Variants in SRR observed in about 807,000 individuals in gnomAD.
The protein encoded by SRR is serine racemase.
Under a neutral mutation model 32.7 loss-of-function variants are expected in SRR, and 19 were observed. The observed-to-expected ratio is 0.58, with a 90% CI of 0.40 to 0.85. The LOEUF is 0.85. Among genes scored for constraint, SRR ranks in the 40% least tolerant of loss-of-function variants. The pLI, the probability that SRR is intolerant of heterozygous loss-of-function variation, is 0.00. For synonymous variants in SRR, 142 were observed against 140.9 expected (o/e 1.01, Z -0.06); for missense variants, 373 against 404.7 (o/e 0.92, Z 0.67).
intron 4 of SRR, among the ~76,000 whole-genome samples, chr17:2,321,042 A>G (rs1018835523): frequency 2.0e-5 from 3 of 152,198 alleles, no homozygotes; most frequent in African/African-American, 7.2e-5. Context: ...ACTTTACTAG[A>G]GGCTCTTCTT....
At chr17:2,321,943 AATTTTTTTGT>A (rs1567779618) in intron 6 of SRR, among the ~76,000 whole-genome samples, 1 of 151,846 alleles carries the variant, frequency 6.6e-6, no homozygotes, top group African/African-American at 2.4e-5. Context: ...ACACCCCGCT[AATTTTTTTGT>A]ATTTTTTTTA....
chr17:2,324,643 T>C lies in SRR; in HGVS notation c.*770T>C. The C allele has an allele frequency of 6.2e-7, 1 of 1,614,020 alleles. No individual in the cohort carries two copies. The highest frequency in any genetic ancestry group is 8.5e-7 in the Non-Finnish European group (1 of 1,180,012). ...ACCCACAAAATGTAAACCCAACCTT[T>C]ATACCACAAAGGCAATCAGATCCCA... On this transcript the variant is annotated 3_prime_UTR_variant, in exon 8 of 8. Coordinates refer to ENST00000344595, the MANE Select transcript of SRR (RefSeq NM_021947.3).
At chr17:2,303,568 C>T, upstream of SRR, 6 of 1,364,360 alleles carry the variant, frequency 4.4e-6, no homozygotes, top group South Asian at 1.0e-4. Flanking sequence ...GGGGAGGAGG[C>T]AGAGGAGGAG....
intron 1 of SRR, among the ~76,000 whole-genome samples, chr17:2,310,825 C>A (rs1244053364): frequency 6.6e-6 from 1 of 152,166 alleles, no homozygotes; most frequent in Non-Finnish European, 1.5e-5. Flanking sequence ...TGGCTCACTG[C>A]AAACTCCGCC....
At chr17:2,313,260 T>C (rs1343013518) in intron 1 of SRR, among the ~76,000 whole-genome samples, 2 of 143,236 alleles carry the variant, frequency 1.4e-5, no homozygotes, top group East Asian at 2.1e-4. Flanking sequence ...TGAAACCCTG[T>C]CTCCACTAAA....
At position 2,324,209 on chromosome 17, in the gene SRR, C is replaced by G; in HGVS notation, c.*336C>G. On this transcript the variant is annotated 3_prime_UTR_variant, in exon 8 of 8. Transcript: ENST00000344595. ...TCTTTGAATCCATTACTCCATGCCC[C>G]CTTGAGGCACTGTTGAAGAAATCTC... is the stretch of plus-strand genomic sequence containing the variant. The G allele has an allele frequency of 2.0e-6, 3 of 1,522,500 alleles. No individual in the cohort carries two copies. In the South Asian group the frequency reaches 4.1e-5, roughly 21 times the overall value. The allele number at this position is 1,522,500 out of a possible 1,614,324, so 94.3% of individuals were successfully genotyped here.
upstream of SRR, chr17:2,303,465 A>G (rs1244608141): frequency 4.6e-6 from 6 of 1,318,076 alleles, no homozygotes; most frequent in Non-Finnish European, 5.8e-6. Context: ...CCCCGCACTA[A>G]CCCGCGAGAG....
At position 2,325,210 on chromosome 17, in the gene SRR, T is replaced by C; in HGVS notation, c.*1337T>C. 1 of 897,048 alleles carries C rather than the reference T, an allele frequency of 1.1e-6. No individual in the cohort carries two copies. The highest frequency in any genetic ancestry group is 1.7e-6 in the Non-Finnish European group (1 of 582,096). 55.6% of individuals were successfully genotyped at this position (897,048 alleles called of 1,614,324 possible). A position where few individuals can be genotyped will look rare whatever the true frequency, so the allele number is the denominator to read the frequency against. The stretch of plus-strand genomic sequence containing the variant: ...TTGAAAACCATCATTACCTTCTCCA[T>C]ACCATTTGGCTCCCAAATTTAAATA... On this transcript the variant is annotated 3_prime_UTR_variant, in exon 8 of 8. Transcript: ENST00000344595.
intron 4 of SRR, 73 bp downstream of exon 4, chr17:2,319,002 G>GAGAAGGAGCAGC: frequency 9.6e-7 from 1 of 1,044,982 alleles, no homozygotes; most frequent in Non-Finnish European, 1.5e-6. Flanking sequence ...CTTACTGGCT[G>GAGAAGGAGCAGC]CTCCTTCTCA....
intron 1 of SRR, among the ~76,000 whole-genome samples, chr17:2,304,219 C>T (rs2151425816): frequency 6.6e-6 from 1 of 151,008 alleles, no homozygotes; most frequent in Admixed American, 6.6e-5. Context: ...TACTTGGGAC[C>T]TTGAAGATCT....
At chr17:2,319,816 C>T (rs577308622) in intron 4 of SRR, among the ~76,000 whole-genome samples, 1 of 138,288 alleles carries the variant, frequency 7.2e-6, no homozygotes, top group East Asian at 2.3e-4. Context: ...CAGAACTTGT[C>T]TCTTCTTTTT....
At position 2,323,210 on chromosome 17, in the gene SRR, G is replaced by C; in HGVS notation, c.669G>C (p.Lys223Asn). The C allele has an allele frequency of 6.2e-7, 1 of 1,614,214 alleles. No individual in the cohort carries two copies. The highest frequency in any genetic ancestry group is 8.5e-7 in the Non-Finnish European group (1 of 1,180,036). The change falls in exon 7 of 8, where the codon AAG becomes AAC. Residue 223 changes from lysine (K) to asparagine (N), a missense_variant. Physicochemically the swap from Lys to Asn is moderately conservative, Grantham distance 94. Transcript: ENST00000344595. ...NADDCYQSKL[K>N]GKLMPNLYPP... ...ATGACTGCTACCAGTCCAAGCTGAA[G>C]GGGAAACTGATGCCCAATCTTTATC...
Position 2,324,633 on chromosome 17 carries a change from A to T in SRR, c.*760A>T. 6.2e-7 allele frequency: 1 copy of T among 1,614,044 alleles called. No homozygotes were observed. Among genetic ancestry groups the T allele is most frequent in the Non-Finnish European group, 8.5e-7 (1 of 1,180,022 alleles). ...TGAAACATTTACCCACAAAATGTAA[A>T]CCCAACCTTTATACCACAAAGGCAA... On this transcript the variant is annotated 3_prime_UTR_variant, in exon 8 of 8. Coordinates refer to ENST00000344595, the MANE Select transcript of SRR (RefSeq NM_021947.3).
chr17:2,319,245 C>T (rs111820139), intron 4 of SRR, among the ~76,000 whole-genome samples: 2 of 152,196 alleles, frequency 1.3e-5, no homozygotes, highest in Non-Finnish European at 2.9e-5. Context: ...CCTGATCTTA[C>T]TTCCCTATAT....
intron 1 of SRR, among the ~76,000 whole-genome samples, chr17:2,313,866 T>C (rs921748966): frequency 2.6e-5 from 4 of 152,238 alleles, no homozygotes; most frequent in African/African-American, 9.6e-5. Context: ...TAGTTGGGCC[T>C]GGAAAGGTAA....
intron 6 of SRR, chr17:2,322,885 C>T: frequency 2.3e-6 from 1 of 440,900 alleles, no homozygotes; most frequent in Non-Finnish European, 4.2e-6. Flanking sequence ...CTACCTCAGC[C>T]TCTTGAGTAG....
chr17:2,324,911 T>C lies in SRR; in HGVS notation c.*1038T>C, dbSNP rs553889043. 14 of 1,479,580 alleles carry C rather than the reference T, an allele frequency of 9.5e-6. No individual in the cohort carries two copies. The South Asian group carries it at 1.4e-4, about 15-fold the overall frequency. 91.7% of individuals were successfully genotyped at this position (1,479,580 alleles called of 1,614,324 possible). A position where few individuals can be genotyped will look rare whatever the true frequency, so the allele number is the denominator to read the frequency against. ...ATTGCCCAGTCCATTTAAAGACCCA[T>C]GCAAGAGCCTGGTTTGTCATCCCTG... is the stretch of plus-strand genomic sequence containing the variant. On this transcript the variant is annotated 3_prime_UTR_variant, in exon 8 of 8. Coordinates refer to ENST00000344595, the MANE Select transcript of SRR (RefSeq NM_021947.3).
intron 4 of SRR, 45 bp from the exon 5 acceptor site, chr17:2,321,261 C>T (rs547399010): frequency 6.2e-7 from 1 of 1,600,740 alleles, no homozygotes; most frequent in Admixed American, 1.8e-5. Flanking sequence ...TTGTTGGGGA[C>T]TCTATTAAAT....
In SRR at chr17:2,324,713, C is replaced by A. The variant is rs762957618; in HGVS notation, c.*840C>A. 1 of 1,614,166 alleles carries A rather than the reference C, an allele frequency of 6.2e-7. No homozygotes were observed. Among genetic ancestry groups the A allele is most frequent in the Non-Finnish European group, 8.5e-7 (1 of 1,180,024 alleles). On this transcript the variant is annotated 3_prime_UTR_variant, in exon 8 of 8. Coordinates refer to ENST00000344595, the MANE Select transcript of SRR (RefSeq NM_021947.3). ...CCTCTGTTGAAGAACATGTAACGTA[C>A]TACTGCCATCTTAGTAAAAATTTTG... is the stretch of plus-strand genomic sequence containing the variant.
Sources: allele counts gnomAD v4.1 joint callset (sites outside exome capture counted in the v4.1 genomes callset), GRCh38; gene constraint gnomAD v4.1.1; transcripts MANE v1.5; gene names NCBI Gene and HGNC (gene_info 2026-07-23, HGNC 2026-07-21).